Variants in PPP3CA observed in about 807,000 individuals in gnomAD.
PPP3CA encodes the protein protein phosphatase 3 catalytic subunit alpha.
A neutral mutation model predicts 66.5 loss-of-function variants in PPP3CA; 14 were observed. That is an observed-to-expected ratio of 0.21 (90% CI 0.14 to 0.33). The LOEUF (loss-of-function observed/expected upper bound fraction) is 0.33. PPP3CA is among the 10% of genes least tolerant of loss of function. The probability of loss-of-function intolerance (pLI) is 1.00; values close to 1 mark genes in which losing one functional copy is unlikely to be tolerated. For missense variants in PPP3CA, 317 were observed against 639.5 expected (o/e 0.50, Z 5.44); for synonymous variants, 232 against 226.2 (o/e 1.03, Z -0.23).
intron 2 of PPP3CA, among the ~76,000 whole-genome samples, chr4:101,157,176 G>A (rs1253179536): frequency 6.6e-6 from 1 of 152,128 alleles, no homozygotes; most frequent in Non-Finnish European, 1.5e-5. Flanking sequence ...CCCTAGGCCA[G>A]GGTCCTATTC....
intron 10 of PPP3CA, among the ~76,000 whole-genome samples, chr4:101,057,817 C>T (rs1222811409): frequency 6.6e-6 from 1 of 152,106 alleles, no homozygotes; most frequent in Non-Finnish European, 1.5e-5. Context: ...TTCCTCTGGG[C>T]TCTTTTTCTA....
rs10024991 is a variant in PPP3CA, at chr4:101,224,985, G to A, written c.59-28869C>T. On this transcript the variant is annotated intron_variant, in intron 1 of 13. Coordinates refer to ENST00000394854, the MANE Select transcript of PPP3CA (RefSeq NM_000944.5). ...ACCAGTCAACCCAACTCTCCTCTCC[G>A]AAATTCCCAGCAGACACACCCCTGC... Among the ~76,000 whole-genome samples, 490 of 151,662 alleles carry A rather than the reference G, an allele frequency of 3.2e-3. 3 individuals are homozygous for A. In the Middle Eastern group the frequency reaches 0.038, roughly 12 times the overall value.
chr4:101,219,862 TGA>T (rs1725569119), intron 1 of PPP3CA, among the ~76,000 whole-genome samples: 1 of 151,832 alleles, frequency 6.6e-6, no homozygotes, highest in Admixed American at 6.6e-5. Context: ...CCTTCAATAA[TGA>T]GATACACAAA....
chr4:101,158,103 A>G (rs1723384359), intron 2 of PPP3CA: 1 of 152,216 alleles, frequency 6.6e-6, no homozygotes, highest in African/African-American at 2.4e-5. Context: ...CAGAAAGACA[A>G]ATATTCTGTG....
chr4:101,157,282 GT>G (rs1441599975), intron 2 of PPP3CA, among the ~76,000 whole-genome samples: 8 of 152,200 alleles, frequency 5.3e-5, no homozygotes, highest in Non-Finnish European at 8.8e-5. Flanking sequence ...TTATTGGATA[GT>G]AATGACAGTA....
intron 1 of PPP3CA, among the ~76,000 whole-genome samples, chr4:101,262,171 C>G (rs1727030332): frequency 6.6e-6 from 1 of 151,976 alleles, no homozygotes; most frequent in Non-Finnish European, 1.5e-5. Flanking sequence ...CAAGTCCCCC[C>G]TCATTTTACT....
chr4:101,291,489 C>T (rs552728808), intron 1 of PPP3CA, among the ~76,000 whole-genome samples: 1 of 152,300 alleles, frequency 6.6e-6, no homozygotes, highest in South Asian at 2.1e-4. Context: ...GAGGAAGGTC[C>T]TCCACTCTAC....
chr4:101,106,394 AAAG>A (rs1560604749), intron 3 of PPP3CA, among the ~76,000 whole-genome samples: 627 of 7,372 alleles, frequency 0.085, 51 homozygotes, highest in Middle Eastern at 0.21. Context: ...AGAAAGAAAG[AAAG>A]AAAGAAAGAA....
chr4:101,094,241 CCTTA>C (rs1479782005), intron 5 of PPP3CA, among the ~76,000 whole-genome samples: 3 of 152,108 alleles, frequency 2.0e-5, no homozygotes, highest in Non-Finnish European at 4.4e-5. Flanking sequence ...ATCCTTCTCT[CCTTA>C]CTTACTTTAT....
chr4:101,168,416 C>T (rs541074456), intron 2 of PPP3CA, among the ~76,000 whole-genome samples: 2 of 152,038 alleles, frequency 1.3e-5, no homozygotes, highest in East Asian at 1.9e-4. Flanking sequence ...AGGAAAGGAC[C>T]GGGCTAAAGA....
At chr4:101,181,815 T>A (rs1218380173) in intron 2 of PPP3CA, among the ~76,000 whole-genome samples, 1 of 152,050 alleles carries the variant, frequency 6.6e-6, no homozygotes, top group East Asian at 1.9e-4. Flanking sequence ...GAGACTTACA[T>A]ATAGGGTGAG....
At chr4:101,153,311 A>G (rs368738666) in intron 2 of PPP3CA, among the ~76,000 whole-genome samples, 9 of 152,366 alleles carry the variant, frequency 5.9e-5, no homozygotes, top group South Asian at 2.1e-4. Context: ...AGAAAGCATG[A>G]CATTATACCA....
intron 13 of PPP3CA, among the ~76,000 whole-genome samples, chr4:101,026,901 T>C (rs1315606613): frequency 2.0e-5 from 3 of 152,180 alleles, no homozygotes; most frequent in African/African-American, 7.2e-5. Context: ...AGGAAAAAAA[T>C]GCCTTTCACA....
rs79431084 is a variant in PPP3CA, at chr4:101,158,535, C to T, written c.259+37381G>A. ...AGTTTCCACGTTTAGGACTTTGGGC[C>T]TCGGTATCATATTATAATTAAATGT... On this transcript the variant is annotated intron_variant, in intron 2 of 13. Coordinates refer to ENST00000394854, the MANE Select transcript of PPP3CA (RefSeq NM_000944.5). 9.9e-4 allele frequency among the ~76,000 whole-genome samples: 150 copies of T among 152,200 alleles called. 1 individual carries two copies. The East Asian group carries it at 0.027, about 27-fold the overall frequency.
At chr4:101,056,042 A>G (rs1728210161) in intron 10 of PPP3CA, among the ~76,000 whole-genome samples, 1 of 152,152 alleles carries the variant, frequency 6.6e-6, no homozygotes, top group African/African-American at 2.4e-5. Context: ...CTGAATGAAC[A>G]AGATTTCAAA....
intron 2 of PPP3CA, among the ~76,000 whole-genome samples, chr4:101,125,312 C>T (rs1377542227): frequency 1.3e-5 from 2 of 152,234 alleles, no homozygotes; most frequent in Non-Finnish European, 2.9e-5. Flanking sequence ...CTTCTCTCTG[C>T]ACTTTGATCT....
chr4:101,139,697 T>TG (rs202193368), intron 2 of PPP3CA, among the ~76,000 whole-genome samples: 85 of 44,432 alleles, frequency 1.9e-3, no homozygotes, highest in African/African-American at 8.0e-3. Context: ...TTTTTTTGTG[T>TG]TTTTTTTTTT....
At chr4:101,124,982 C>G (rs545007721) in intron 2 of PPP3CA, among the ~76,000 whole-genome samples, 1 of 152,126 alleles carries the variant, frequency 6.6e-6, no homozygotes, top group African/African-American at 2.4e-5. Flanking sequence ...GTAAAATATT[C>G]TTTTCACTGT....
chr4:101,051,934 GTATT>G (rs1728030351), intron 10 of PPP3CA, among the ~76,000 whole-genome samples: 1 of 151,992 alleles, frequency 6.6e-6, no homozygotes, highest in Non-Finnish European at 1.5e-5. Context: ...AAAATCTGGA[GTATT>G]TTTTGTAATA....
Sources: allele counts gnomAD v4.1 joint callset (sites outside exome capture counted in the v4.1 genomes callset), GRCh38; gene constraint gnomAD v4.1.1; transcripts MANE v1.5; gene names NCBI Gene and HGNC (gene_info 2026-07-23, HGNC 2026-07-21).